FOXN3: variants seen among roughly 807,000 people sequenced by gnomAD.
FOXN3 encodes the protein forkhead box N3.
Under a neutral mutation model 38.4 loss-of-function variants are expected in FOXN3, and 7 were observed. The ratio of observed to expected loss-of-function variants is 0.18; its 90% CI spans 0.10 to 0.34. The LOEUF (loss-of-function observed/expected upper bound fraction) is 0.34. FOXN3 is among the 10% of genes least tolerant of loss of function. FOXN3 has a pLI of 1.00. For synonymous variants in FOXN3, 230 were observed against 242.2 expected, an observed-to-expected ratio of 0.95 and a Z score of 0.47; for missense variants, 456 against 613.4, an observed-to-expected ratio of 0.74 and a Z score of 2.71.
chr14:89,481,783 C>G lies in FOXN3; in HGVS notation c.-14-69293G>C, dbSNP rs1893335881. On this transcript the variant is annotated intron_variant, in intron 1 of 6. Transcript: ENST00000345097. ...AAAAAGCTGAGAAGAGTGTCTGACT[C>G]TTAGAAGAGTCTCAATAAACAGTAG... Among the ~76,000 whole-genome samples, 4 of 152,152 alleles carry G rather than the reference C, an allele frequency of 2.6e-5. No individual in the cohort carries two copies. The South Asian group carries it at 6.2e-4, about 24-fold the overall frequency.
chr14:89,563,409 A>G (rs930852390), intron 1 of FOXN3, among the ~76,000 whole-genome samples: 12 of 152,218 alleles, frequency 7.9e-5, no homozygotes, highest in Non-Finnish European at 1.8e-4. Context: ...CAGAATGGCA[A>G]TGGCAGATCC....
chr14:89,616,521 A>ACCC (rs1161046760), intron 1 of FOXN3, among the ~76,000 whole-genome samples: 27 of 137,912 alleles, frequency 2.0e-4, no homozygotes, highest in Admixed American at 3.8e-4. Context: ...TCACTCCCCA[A>ACCC]CCCCACCCCC....
At chr14:89,243,094 C>A (rs941821047) in intron 4 of FOXN3, among the ~76,000 whole-genome samples, 1 of 152,132 alleles carries the variant, frequency 6.6e-6, no homozygotes, top group African/African-American at 2.4e-5. Flanking sequence ...GTGTGGCCGA[C>A]GCAGGGAGGA....
chr14:89,215,777 T>C (rs528085603), intron 4 of FOXN3, among the ~76,000 whole-genome samples: 2 of 152,306 alleles, frequency 1.3e-5, no homozygotes, highest in East Asian at 3.9e-4. Flanking sequence ...CCAAGAGACC[T>C]ACAGCAACAT....
intron 4 of FOXN3, among the ~76,000 whole-genome samples, chr14:89,224,868 C>T (rs1442597693): frequency 3.9e-5 from 6 of 152,058 alleles, no homozygotes; most frequent in African/African-American, 1.2e-4. Context: ...TGGTGGCTCA[C>T]GCTTGTAAGC....
At chr14:89,431,292 T>G (rs188626649) in intron 1 of FOXN3, among the ~76,000 whole-genome samples, 1 of 152,228 alleles carries the variant, frequency 6.6e-6, no homozygotes, top group East Asian at 1.9e-4. Context: ...CTTCTTCAGC[T>G]TCACTTGAAC....
intron 1 of FOXN3, among the ~76,000 whole-genome samples, chr14:89,492,777 G>A (rs921493958): frequency 1.3e-5 from 2 of 152,116 alleles, no homozygotes; most frequent in African/African-American, 4.8e-5. Context: ...CCCATCTCTG[G>A]ATTGCTCAGA....
At chr14:89,358,833 T>C (rs1013603532) in intron 2 of FOXN3, among the ~76,000 whole-genome samples, 2 of 152,148 alleles carry the variant, frequency 1.3e-5, no homozygotes, top group African/African-American at 4.8e-5. Flanking sequence ...CAGACCCGAG[T>C]CTGAGTCTTG....
rs1458555082 is a variant in FOXN3 at position 89,164,364 on chromosome 14, C to A, written c.852-1395G>T. On this transcript the variant is annotated intron_variant, in intron 5 of 5. Transcript: ENST00000557258. This position sits in a 1 kb window ranked among gnomAD's most constrained non-coding sequence, Gnocchi z 4.3. Reference sequence around the variant, plus strand: ...CAGGGATGGGAACTGTTCTATGGCACCATGCTGGCCCGGTTTCCTGTAAGC... The same window carrying A: ...CAGGGATGGGAACTGTTCTATGGCAACATGCTGGCCCGGTTTCCTGTAAGC... 2.6e-5 allele frequency among the ~76,000 whole-genome samples: 4 copies of A among 152,184 alleles called. No homozygotes were observed. Among genetic ancestry groups the A allele is most frequent in the Non-Finnish European group, 5.9e-5 (4 of 68,036 alleles).
intron 4 of FOXN3, among the ~76,000 whole-genome samples, chr14:89,253,207 G>T (rs1363497598): frequency 3.3e-5 from 5 of 152,206 alleles, no homozygotes; most frequent in Non-Finnish European, 7.3e-5. Flanking sequence ...CAAAAATGGA[G>T]GGAGCCTGAG....
chr14:89,208,226 G>T (rs755800962), intron 4 of FOXN3, among the ~76,000 whole-genome samples: 23 of 152,194 alleles, frequency 1.5e-4, no homozygotes, highest in Non-Finnish European at 3.1e-4. Context: ...AAAAAGGCGG[G>T]TACGGGCCCT....
intron 1 of FOXN3, among the ~76,000 whole-genome samples, chr14:89,539,904 G>A (rs1006198377): frequency 1.3e-5 from 2 of 152,140 alleles, no homozygotes; most frequent in Non-Finnish European, 2.9e-5. Context: ...AAAGAAAAAG[G>A]AAACATACCA....
chr14:89,463,586 A>T (rs971749999), intron 1 of FOXN3, among the ~76,000 whole-genome samples: 5 of 152,152 alleles, frequency 3.3e-5, no homozygotes, highest in African/African-American at 1.2e-4. Context: ...GTTCTTCTAG[A>T]GCAGAGAGAG....
chr14:89,553,784 C>A (rs1341725242), intron 1 of FOXN3, among the ~76,000 whole-genome samples: 1 of 152,220 alleles, frequency 6.6e-6, no homozygotes, highest in South Asian at 2.1e-4. Flanking sequence ...AAGGGGAAAG[C>A]GCAGTCAGGA....
chr14:89,217,793 G>T (rs185972614), intron 4 of FOXN3, among the ~76,000 whole-genome samples: 1 of 152,180 alleles, frequency 6.6e-6, no homozygotes, highest in Non-Finnish European at 1.5e-5. Flanking sequence ...TCCAGTCCCC[G>T]CCAGCTTTGC....
chr14:89,544,208 A>AT (rs1434001241), intron 1 of FOXN3, among the ~76,000 whole-genome samples: 7 of 151,682 alleles, frequency 4.6e-5, no homozygotes, highest in African/African-American at 7.3e-5. Flanking sequence ...CGCCCAGCTA[A>AT]TTTTTTGTAT....
intron 1 of FOXN3, among the ~76,000 whole-genome samples, chr14:89,528,865 G>A (rs180893561): frequency 2.7e-3 from 408 of 152,228 alleles, no homozygotes; most frequent in Non-Finnish European, 4.4e-3. Flanking sequence ...TGGAGGGTGG[G>A]GAGGAATGAA....
rs192784782 is a variant in FOXN3, at chr14:89,458,105, T to C, written c.-14-45615A>G. On this transcript the variant is annotated intron_variant, in intron 1 of 6. Transcript: ENST00000345097. ...CTCACCTGCTGAACATTACTCTTGATGTCAGAGTGATCAGGAGATTTGGAG... is the reference window on the plus strand; with the variant it reads ...CTCACCTGCTGAACATTACTCTTGACGTCAGAGTGATCAGGAGATTTGGAG... Among the ~76,000 whole-genome samples the C allele has an allele frequency of 2.0e-5, 3 of 150,906 alleles. No homozygotes were observed. The East Asian group carries it at 5.8e-4, about 29-fold the overall frequency.
intron 4 of FOXN3, among the ~76,000 whole-genome samples, chr14:89,188,801 G>C (rs1468980082): frequency 6.6e-6 from 1 of 152,042 alleles, no homozygotes; most frequent in African/African-American, 2.4e-5. Context: ...TTACAATCTG[G>C]TCTGTACTTT....
Sources: allele counts gnomAD v4.1 joint callset (sites outside exome capture counted in the v4.1 genomes callset), GRCh38; gene constraint gnomAD v4.1.1; non-coding constraint Gnocchi (gnomAD v3.1); transcripts MANE v1.5; gene names NCBI Gene and HGNC (gene_info 2026-07-23, HGNC 2026-07-21).